ASXL3: variants seen among roughly 807,000 people sequenced by gnomAD.
ASXL3 encodes the protein ASXL transcriptional regulator 3.
A neutral mutation model predicts 170.6 loss-of-function variants in ASXL3; 34 were observed. That is an observed-to-expected ratio of 0.20 (90% confidence interval 0.15 to 0.27). The LOEUF (loss-of-function observed/expected upper bound fraction) is 0.27, where lower values mean the gene tolerates loss of function less well. Ranked by LOEUF, ASXL3 falls within the 10% of genes least tolerant of loss-of-function variation. The pLI is 1.00. For missense variants in ASXL3, 2,592 were observed against 2,695.3 expected (o/e 0.96, Z 0.85); for synonymous variants, 1,002 against 989.1 (o/e 1.01, Z -0.24).
chr18:33,640,078 G>A (rs911356412), intron 2 of ASXL3, among the ~76,000 whole-genome samples: 1 of 151,936 alleles, frequency 6.6e-6, no homozygotes, highest in African/African-American at 2.4e-5. Flanking sequence ...TCCCATTTAT[G>A]TTTATATTTT....
intron 1 of ASXL3, among the ~76,000 whole-genome samples, chr18:33,584,778 C>T (rs979010957): frequency 3.9e-5 from 6 of 152,152 alleles, no homozygotes; most frequent in Non-Finnish European, 8.8e-5. Flanking sequence ...CCAATATCAT[C>T]ATCCTGTCTA....
intron 4 of ASXL3, among the ~76,000 whole-genome samples, chr18:33,656,294 C>A (rs2066083617): frequency 6.6e-6 from 1 of 151,972 alleles, no homozygotes; most frequent in Non-Finnish European, 1.5e-5. Flanking sequence ...GTGATTTGAG[C>A]AAATCTAGTC....
Position 33,745,442 on chromosome 18 carries a change from T to G in ASXL3, c.5594T>G (p.Ile1865Ser). 1 of 1,613,970 alleles carries G rather than the reference T, an allele frequency of 6.2e-7. No individual in the cohort carries two copies. The change falls in exon 12 of 12, where the codon ATC becomes AGC. Residue 1865 changes from isoleucine (I) to serine (S), a missense_variant. Ile to Ser is a moderately radical substitution (Grantham distance 142). Transcript: ENST00000269197. ...GTGCCTTGTGTCATCAGTTCCGGCA[T>G]CAGTCAGCTAGGACACAGCCAGCCA... ...KGVPCVISSG[I>S]SQLGHSQPFK...
chr18:33,708,575 C>T (rs928911059), intron 8 of ASXL3, among the ~76,000 whole-genome samples: 1 of 152,160 alleles, frequency 6.6e-6, no homozygotes, highest in African/African-American at 2.4e-5. Flanking sequence ...GGATAATCCT[C>T]TGTGGTGGGG....
chr18:33,679,717 C>G lies in ASXL3; in HGVS notation c.716-3688C>G, dbSNP rs144678721. 1.4e-3 allele frequency among the ~76,000 whole-genome samples: 211 copies of G among 152,092 alleles called. 1 individual carries two copies. The highest frequency in any genetic ancestry group is 4.8e-3 in the African/African-American group (200 of 41,520). On this transcript the variant is annotated intron_variant, in intron 7 of 11. Coordinates refer to ENST00000269197, the MANE Select transcript of ASXL3 (RefSeq NM_030632.3). ...TTTTAAAAAGTTTTTACACATTTATCATTCTCTTTTCAGGTTAAATTTGGA... is the reference window on the plus strand; with the variant it reads ...TTTTAAAAAGTTTTTACACATTTATGATTCTCTTTTCAGGTTAAATTTGGA...
intron 1 of ASXL3, among the ~76,000 whole-genome samples, chr18:33,592,937 C>T (rs189247796): frequency 6.6e-6 from 1 of 152,058 alleles, no homozygotes; most frequent in Non-Finnish European, 1.5e-5. Context: ...TGTATTCCGT[C>T]TTAAGATAAT....
In ASXL3 at chr18:33,745,255, C is replaced by G; in HGVS notation, c.5407C>G (p.Pro1803Ala). The change falls in exon 12 of 12, where the codon CCA becomes GCA. Residue 1803 changes from proline (P) to alanine (A), a missense_variant. Pro to Ala is a conservative substitution (Grantham distance 27, BLOSUM62 -1). This residue lies in a region of ASXL3 where 2,246 missense variants were observed against 2,219.6 expected (regional missense o/e 1.01). Coordinates refer to ENST00000269197, the MANE Select transcript of ASXL3 (RefSeq NM_030632.3). ...ERNVEIPPSS[P>A]NPDGKGYLAG... ...AAACGTTGAAATTCCGCCCAGCTCT[C>G]CAAATCCAGATGGTAAGGGCTACTT... 1 of 1,614,014 alleles carries G rather than the reference C, an allele frequency of 6.2e-7. No individual in the cohort carries two copies.
rs2067585379 is a variant in ASXL3, at chr18:33,738,428, C to T, written c.1083-59C>T. On this transcript the variant is annotated intron_variant, in intron 10 of 11. Transcript: ENST00000269197. ...TTGAATACTACATTCATGAGAGATC[C>T]CAGTTGTACCTTTTATGTTTTGTGG... is the stretch of plus-strand genomic sequence containing the variant. 70 of 1,459,056 alleles carry T rather than the reference C, an allele frequency of 4.8e-5. No homozygotes were observed. The South Asian group carries it at 9.5e-4, about 20-fold the overall frequency. 90.4% of individuals were successfully genotyped at this position (1,459,056 alleles called of 1,614,324 possible).
At chr18:33,690,014 ATTAT>A (rs564055319) in intron 8 of ASXL3, among the ~76,000 whole-genome samples, 1 of 151,756 alleles carries the variant, frequency 6.6e-6, no homozygotes, top group African/African-American at 2.4e-5. Context: ...TGTCTCCATT[ATTAT>A]TTATTTATTT....
chr18:33,635,218 C>T (rs1274741844), intron 2 of ASXL3, among the ~76,000 whole-genome samples: 2 of 152,120 alleles, frequency 1.3e-5, no homozygotes, highest in African/African-American at 2.4e-5. Flanking sequence ...AACTCACTAT[C>T]GCTATGTAAA....
In ASXL3 at chr18:33,746,081, A is replaced by G. The variant is rs752690142; in HGVS notation, c.6233A>G (p.Asn2078Ser). Residue 2078 changes from asparagine to serine, a missense_variant, in exon 12 of 12, where the codon AAT becomes AGT. Physicochemically the swap from Asn to Ser is conservative, Grantham distance 46 (BLOSUM62 1). This residue lies in a region of ASXL3 where 2,246 missense variants were observed against 2,219.6 expected (regional missense o/e 1.01). Coordinates refer to ENST00000269197, the MANE Select transcript of ASXL3 (RefSeq NM_030632.3). ...SWPQSTGICSNIKSEPLSFEE... is the reference protein window; with the variant it reads ...SWPQSTGICSSIKSEPLSFEE... ...CCACAGTCCACGGGCATATGTAGCA[A>G]TATAAAATCGGAACCTCTTTCTTTT... 6.2e-7 allele frequency: 1 copy of G among 1,613,574 alleles called. No homozygotes were observed. The highest frequency in any genetic ancestry group is 1.1e-5 in the South Asian group (1 of 91,060).
intron 1 of ASXL3, among the ~76,000 whole-genome samples, chr18:33,585,991 A>C (rs555876743): frequency 0.019 from 2,890 of 152,300 alleles, 92 homozygotes; most frequent in African/African-American, 0.066. Flanking sequence ...TAAAAAAATC[A>C]AAGTCAATCA....
At chr18:33,590,517 C>T (rs940800971) in intron 1 of ASXL3, among the ~76,000 whole-genome samples, 18 of 152,204 alleles carry the variant, frequency 1.2e-4, no homozygotes, top group African/African-American at 2.9e-4. Flanking sequence ...GCTATATAGA[C>T]GGTGAATTAA....
At chr18:33,727,031 A>G (rs769448906) in intron 8 of ASXL3, among the ~76,000 whole-genome samples, 13 of 152,108 alleles carry the variant, frequency 8.5e-5, no homozygotes, top group African/African-American at 1.2e-4. Context: ...TATTAATTCT[A>G]TTAGAGAGGC....
At position 33,609,088 on chromosome 18, in the gene ASXL3, G is replaced by A. The variant is rs578016260; in HGVS notation, c.137+1412G>A. On this transcript the variant is annotated intron_variant, in intron 2 of 11. Coordinates refer to ENST00000269197, the MANE Select transcript of ASXL3 (RefSeq NM_030632.3). ...GCAGTGGATAGATTAGTTGCTAACA[G>A]TACCTAACAATTCTGTTAAAGGAGA... 2.0e-4 allele frequency: 194 copies of A among 983,208 alleles called. 3 individuals are homozygous for A. The South Asian group carries it at 7.9e-3, about 40-fold the overall frequency. The allele number at this position is 983,208 out of a possible 1,614,324, so 60.9% of individuals were successfully genotyped here.
intron 2 of ASXL3, among the ~76,000 whole-genome samples, chr18:33,609,685 C>A (rs2065304481): frequency 6.6e-6 from 1 of 151,942 alleles, no homozygotes; most frequent in African/African-American, 2.4e-5. Flanking sequence ...CCCACTTCAC[C>A]CACTACATCA....
intron 5 of ASXL3, among the ~76,000 whole-genome samples, chr18:33,662,644 T>A (rs2066192243): frequency 6.6e-6 from 1 of 152,084 alleles, no homozygotes; most frequent in Non-Finnish European, 1.5e-5. Context: ...ACGTATTTAA[T>A]TCTGAATTCA....
At chr18:33,583,807 G>T (rs1010399605) in intron 1 of ASXL3, among the ~76,000 whole-genome samples, 9 of 152,250 alleles carry the variant, frequency 5.9e-5, no homozygotes, top group Admixed American at 5.2e-4. Flanking sequence ...TAGAGGAATT[G>T]AATTCAACAT....
chr18:33,714,917 T>C (rs1028266369), intron 8 of ASXL3, among the ~76,000 whole-genome samples: 1 of 152,114 alleles, frequency 6.6e-6, no homozygotes, highest in African/African-American at 2.4e-5. Flanking sequence ...TGTGGACTGG[T>C]TTAATTCAGT....
Sources: allele counts gnomAD v4.1 joint callset (sites outside exome capture counted in the v4.1 genomes callset), GRCh38; gene constraint gnomAD v4.1.1; regional missense constraint gnomAD v4.1.1; transcripts MANE v1.5; gene names NCBI Gene and HGNC (gene_info 2026-07-23, HGNC 2026-07-21).